Variants in GDAP2 observed in about 807,000 individuals in gnomAD.
GDAP2 encodes the protein ganglioside-induced differentiation-associated protein 2.
GDAP2 carries 51 observed loss-of-function variants against 67.0 expected under a neutral mutation model. The ratio of observed to expected loss-of-function variants is 0.76; its 90% CI spans 0.61 to 0.96. GDAP2 has a LOEUF of 0.96. Ranked by LOEUF, GDAP2 falls within the 40% of genes least tolerant of loss-of-function variation. GDAP2 has a pLI of 0.00. For synonymous variants in GDAP2, 203 were observed against 207.3 expected (o/e 0.98, Z 0.18); for missense variants, 547 against 588.3 (o/e 0.93, Z 0.73).
intron 12 of GDAP2, 54 bp downstream of exon 12, chr1:117,881,769 T>C: frequency 1.1e-6 from 1 of 882,100 alleles, no homozygotes; most frequent in Admixed American, 1.8e-5. Context: ...CTTAATACTC[T>C]GGGCATGCAG....
intron 8 of GDAP2, among the ~76,000 whole-genome samples, chr1:117,896,369 C>T (rs1048058689): frequency 5.3e-5 from 8 of 152,126 alleles, no homozygotes; most frequent in Admixed American, 2.0e-4. Flanking sequence ...CTTTAGAAGA[C>T]ATATGGAAGA....
intron 11 of GDAP2, 62 bp from the exon 12 acceptor site, chr1:117,881,939 A>T: frequency 1.2e-6 from 1 of 825,028 alleles, no homozygotes; most frequent in Admixed American, 1.8e-5. Context: ...ACCAATTACT[A>T]TTATAGACTA....
At chr1:117,916,540 G>T (rs1365228228) in intron 3 of GDAP2, among the ~76,000 whole-genome samples, 1 of 152,200 alleles carries the variant, frequency 6.6e-6, no homozygotes, top group Non-Finnish European at 1.5e-5. Context: ...TTTAAGAAAC[G>T]AAGAATGGAT....
At chr1:117,913,401 ATTT>A (rs74388227) in intron 3 of GDAP2, 6 of 142,590 alleles carry the variant, frequency 4.2e-5, no homozygotes, top group Admixed American at 1.4e-4. Flanking sequence ...TAAGGTGATG[ATTT>A]TTTTTTTTTT....
intron 5 of GDAP2, among the ~76,000 whole-genome samples, chr1:117,910,851 G>A (rs1649831445): frequency 6.6e-6 from 1 of 152,168 alleles, no homozygotes; most frequent in South Asian, 2.1e-4. Context: ...ACCTTGCCTT[G>A]TACAGTTGGA....
intron 5 of GDAP2, among the ~76,000 whole-genome samples, chr1:117,911,770 CTT>C (rs1246111202): frequency 6.8e-6 from 1 of 146,072 alleles, no homozygotes; most frequent in Non-Finnish European, 1.5e-5. Flanking sequence ...AAAAAAAAAC[CTT>C]TTTTTTTTGA....
rs12096851 is a variant in GDAP2, at chr1:117,891,726, T to C, written c.954-3952A>G. Among the ~76,000 whole-genome samples, 454 of 152,262 alleles carry C rather than the reference T, an allele frequency of 3.0e-3. 3 individuals carry two copies. The highest frequency in any genetic ancestry group is 0.01 in the African/African-American group (426 of 41,574). On this transcript the variant is annotated intron_variant, in intron 8 of 13. Coordinates refer to ENST00000369443, the MANE Select transcript of GDAP2 (RefSeq NM_017686.4). The stretch of plus-strand genomic sequence containing the variant: ...AGCTTGGCTCTACTTTCAAAAGTTC[T>C]TAATTTTAATATAGTCAAAACTATT...
At chr1:117,906,866 GA>G (rs1557805255) in intron 5 of GDAP2, among the ~76,000 whole-genome samples, 1 of 152,142 alleles carries the variant, frequency 6.6e-6, no homozygotes, top group African/African-American at 2.4e-5. Flanking sequence ...GCTCCATAAA[GA>G]AGATGCTTTA....
chr1:117,927,534 C>G (rs1650495412), intron 1 of GDAP2, among the ~76,000 whole-genome samples: 1 of 152,130 alleles, frequency 6.6e-6, no homozygotes, highest in African/African-American at 2.4e-5. Context: ...CCATTAATTA[C>G]CGGGTTTACC....
chr1:117,890,248 C>T (rs1649022469), intron 8 of GDAP2, among the ~76,000 whole-genome samples: 1 of 151,976 alleles, frequency 6.6e-6, no homozygotes, highest in South Asian at 2.1e-4. Context: ...GAAACAAATG[C>T]TCCCTTCTTT....
chr1:117,871,827 T>C (rs1033795737), intron 13 of GDAP2, among the ~76,000 whole-genome samples: 3 of 152,078 alleles, frequency 2.0e-5, no homozygotes, highest in African/African-American at 4.8e-5. Context: ...ATAAAACCTT[T>C]TTTTAAAATT....
At chr1:117,908,598 C>T (rs80188658) in intron 5 of GDAP2, among the ~76,000 whole-genome samples, 196 of 152,156 alleles carry the variant, frequency 1.3e-3, no homozygotes, top group African/African-American at 4.2e-3. Context: ...GAGGGCAAGA[C>T]GATTACTTGA....
At chr1:117,873,845 A>G (rs972156827) in intron 13 of GDAP2, among the ~76,000 whole-genome samples, 1 of 152,164 alleles carries the variant, frequency 6.6e-6, no homozygotes, top group Non-Finnish European at 1.5e-5. Context: ...ATTTCTAAAT[A>G]TCTCTAAAAT....
chr1:117,922,031 T>C (rs557946169), intron 1 of GDAP2, among the ~76,000 whole-genome samples: 1 of 151,936 alleles, frequency 6.6e-6, no homozygotes, highest in South Asian at 2.1e-4. Context: ...TAGGGTAGAG[T>C]GATAACCAAT....
In GDAP2 at chr1:117,866,696, A is replaced by G. The variant is rs1648073102; in HGVS notation, c.*3873T>C. Reference sequence around the variant, plus strand: ...TGGTGAAACCCCGTCTCTACTAAAAATACAAAAATTAGCCGGGCATGGTGG... The same window carrying G: ...TGGTGAAACCCCGTCTCTACTAAAAGTACAAAAATTAGCCGGGCATGGTGG... On this transcript the variant is annotated 3_prime_UTR_variant, in exon 14 of 14. Transcript: ENST00000369443. 6.6e-6 allele frequency: 1 copy of G among 152,164 alleles called. No individual in the cohort carries two copies. Among genetic ancestry groups the G allele is most frequent in the South Asian group, 2.1e-4 (1 of 4,820 alleles). 9.4% of individuals were successfully genotyped at this position (152,164 alleles called of 1,614,324 possible). A position where few individuals can be genotyped will look rare whatever the true frequency, so the allele number is the denominator to read the frequency against.
chr1:117,884,220 G>A (rs1018323858), intron 10 of GDAP2, among the ~76,000 whole-genome samples: 2 of 152,096 alleles, frequency 1.3e-5, no homozygotes, highest in African/African-American at 4.8e-5. Flanking sequence ...ATCAGTAGAT[G>A]GCAATAGGTT....
rs1420720913 is a variant in GDAP2 at position 117,869,812 on chromosome 1, T to TA, written c.*756dup. 1 of 152,442 alleles carries TA rather than the reference T, an allele frequency of 6.6e-6. No homozygotes were observed. Among genetic ancestry groups the TA allele is most frequent in the Non-Finnish European group, 1.5e-5 (1 of 68,046 alleles). 9.4% of individuals were successfully genotyped at this position (152,442 alleles called of 1,614,324 possible). ...CTGCTGGAGTCTTGGAAGATGCTCTTAAGAGTACTAATATGTGCGGTCCTT... is the reference window on the plus strand; with the variant it reads ...CTGCTGGAGTCTTGGAAGATGCTCTTAAAGAGTACTAATATGTGCGGTCCTT... On this transcript the variant is annotated 3_prime_UTR_variant, in exon 14 of 14. Coordinates refer to ENST00000369443, the MANE Select transcript of GDAP2 (RefSeq NM_017686.4).
chr1:117,890,509 T>C (rs1019542845), intron 8 of GDAP2, among the ~76,000 whole-genome samples: 5 of 152,066 alleles, frequency 3.3e-5, no homozygotes, highest in African/African-American at 7.2e-5. Context: ...TCATCTTTAA[T>C]TGAAAACACT....
chr1:117,893,347 A>T (rs1649155376), intron 8 of GDAP2, among the ~76,000 whole-genome samples: 1 of 152,212 alleles, frequency 6.6e-6, no homozygotes. Flanking sequence ...TCAGAATCAC[A>T]ACTGGATGAC....
Sources: allele counts gnomAD v4.1 joint callset (sites outside exome capture counted in the v4.1 genomes callset), GRCh38; gene constraint gnomAD v4.1.1; transcripts MANE v1.5; gene names NCBI Gene and HGNC (gene_info 2026-07-23, HGNC 2026-07-21).